The following LRRK2 variants were observed in gnomAD, a reference collection of about 807,000 sequenced individuals.
LRRK2 encodes the protein leucine-rich repeat serine/threonine-protein kinase 2.
Under a neutral mutation model 302.6 loss-of-function variants are expected in LRRK2, and 203 were observed. That is an observed-to-expected ratio of 0.67 (90% CI 0.60 to 0.75). The LOEUF is 0.75. Among genes scored for constraint, LRRK2 ranks in the 30% least tolerant of loss-of-function variants. LRRK2 has a pLI of 0.00. For missense variants in LRRK2, 2,830 were observed against 2,951.0 expected (o/e 0.96, Z 0.95); for synonymous variants, 1,066 against 1,031.9 (o/e 1.03, Z -0.63).
At chr12:40,286,001 C>A (rs995897497) in intron 19 of LRRK2, among the ~76,000 whole-genome samples, 1 of 151,912 alleles carries the variant, frequency 6.6e-6, no homozygotes, top group African/African-American at 2.4e-5. Flanking sequence ...TAGTCTTATG[C>A]CAAAAACCTG....
chr12:40,366,825 T>C (rs956822614), intron 49 of LRRK2, 181 bp from the exon 50 acceptor site: 2 of 532,968 alleles, frequency 3.8e-6, no homozygotes, highest in African/African-American at 3.9e-5. Context: ...TCACAGATTT[T>C]GTTATTTTTT....
rs113272586 is a variant in LRRK2 at position 40,298,778 on chromosome 12, A to AATATATATATATATATAT, written c.3347+289_3347+306dup. Reference sequence around the variant, plus strand: ...CAGAGGCGAGACTCTGTCTCAAAGAAATATATATATATATATATATAATAT... The same window carrying AATATATATATATATATAT: ...CAGAGGCGAGACTCTGTCTCAAAGAAATATATATATATATATATATATATATATATATATATATAATAT... On this transcript the variant is annotated intron_variant, in intron 24 of 50. Transcript: ENST00000298910. 5.1e-3 allele frequency among the ~76,000 whole-genome samples: 309 copies of AATATATATATATATATAT among 60,604 alleles called. 13 individuals carry two copies. The highest frequency in any genetic ancestry group is 0.011 in the East Asian group (27 of 2,526). 39.8% of individuals were successfully genotyped at this position (60,604 alleles called of 152,430 possible).
chr12:40,225,402 A>G, intron 1 of LRRK2, 120 bp downstream of exon 1: 1 of 1,320,276 alleles, frequency 7.6e-7, no homozygotes, highest in Non-Finnish European at 1.1e-6. Flanking sequence ...AAGGAGCCGC[A>G]AACTCCCATA....
At chr12:40,238,939 G>C (rs938357626) in intron 5 of LRRK2, among the ~76,000 whole-genome samples, 1 of 152,124 alleles carries the variant, frequency 6.6e-6, no homozygotes, top group Non-Finnish European at 1.5e-5. Context: ...GAAAATAGGT[G>C]AAGGGACAAT....
At chr12:40,334,398 A>G (rs550902756) in intron 39 of LRRK2, among the ~76,000 whole-genome samples, 1 of 152,330 alleles carries the variant, frequency 6.6e-6, no homozygotes, top group East Asian at 1.9e-4. Context: ...ACAAATTTGC[A>G]TATAACTTTT....
intron 38 of LRRK2, among the ~76,000 whole-genome samples, chr12:40,327,676 AAGAG>A (rs1314620897): frequency 6.6e-6 from 1 of 152,170 alleles, no homozygotes; most frequent in Non-Finnish European, 1.5e-5. Flanking sequence ...TTAATTTTGC[AAGAG>A]AGAGAGAATG....
At chr12:40,284,211 A>C in intron 19 of LRRK2, 78 bp downstream of exon 19, 1 of 1,320,538 alleles carries the variant, frequency 7.6e-7, no homozygotes, top group Non-Finnish European at 1.0e-6. Flanking sequence ...TTTAGTGGTT[A>C]TTCATGCCAG....
At chr12:40,258,272 C>T (rs939076322) in intron 12 of LRRK2, among the ~76,000 whole-genome samples, 23 of 152,252 alleles carry the variant, frequency 1.5e-4, no homozygotes, top group Admixed American at 9.2e-4. Flanking sequence ...TGAAATGTAG[C>T]GTAACTGCAG....
At chr12:40,231,279 G>A (rs74324737) in intron 2 of LRRK2, among the ~76,000 whole-genome samples, 14,351 of 151,614 alleles carry the variant, frequency 0.095, 753 homozygotes, top group South Asian at 0.14. Context: ...AGGGCCAGGT[G>A]CAGAGGCTCA....
intron 6 of LRRK2, 61 bp from the exon 7 acceptor site, chr12:40,243,485 TTGTA>T: frequency 6.4e-7 from 1 of 1,572,864 alleles, no homozygotes; most frequent in Non-Finnish European, 8.7e-7. Flanking sequence ...TAAGACGTCT[TTGTA>T]TGCATATTTG....
Position 40,252,994 on chromosome 12 carries a change from G to C in LRRK2, c.1266G>C (p.Leu422Phe). Reference protein sequence around the residue: ...KEVFQASANALSTLLEQNVNF... With the variant: ...KEVFQASANAFSTLLEQNVNF... ...TTTTCCAGGCATCTGCGAATGCATT[G>C]TCAACTCTCTTAGAACAAAATGGTA... The change falls in exon 11 of 51, where the codon TTG (leucine) becomes TTC (phenylalanine). Residue 422 changes from leucine (L) to phenylalanine (F), a missense_variant. By Grantham distance (22) the Leu-to-Phe change is conservative. This residue lies in a region of LRRK2 where 2,121 missense variants were observed against 2,148.0 expected (regional missense o/e 0.99). Coordinates refer to ENST00000298910, the MANE Select transcript of LRRK2 (RefSeq NM_198578.4). The C allele has an allele frequency of 1.2e-6, 2 of 1,612,108 alleles. No homozygotes were observed. The highest frequency in any genetic ancestry group is 4.5e-5 in the East Asian group (2 of 44,762).
intron 10 of LRRK2, 106 bp downstream of exon 10, chr12:40,251,650 T>C (rs932367002): frequency 3.9e-6 from 4 of 1,019,064 alleles, no homozygotes; most frequent in Non-Finnish European, 5.9e-6. Flanking sequence ...ATTTTTGATA[T>C]AGGCATTTAG....
intron 19 of LRRK2, 135 bp from the exon 20 acceptor site, chr12:40,287,216 G>T (rs1943961575): frequency 1.3e-6 from 1 of 759,618 alleles, no homozygotes; most frequent in Non-Finnish European, 2.2e-6. Context: ...AGGATCACTA[G>T]TGTAAGGTGA....
At chr12:40,254,486 ATC>A (rs1439962339) in intron 11 of LRRK2, among the ~76,000 whole-genome samples, 1 of 152,132 alleles carries the variant, frequency 6.6e-6, no homozygotes, top group Non-Finnish European at 1.5e-5. Flanking sequence ...CTGTTCTCGA[ATC>A]TCTCTTATTC....
At chr12:40,355,055 T>C (rs1168703927) in intron 45 of LRRK2, among the ~76,000 whole-genome samples, 3 of 152,208 alleles carry the variant, frequency 2.0e-5, no homozygotes, top group East Asian at 3.8e-4. Context: ...TTGGTGACTG[T>C]AATATTTGGG....
At chr12:40,225,491 A>T in intron 1 of LRRK2, 64 bp from the exon 2 acceptor site, 1 of 1,450,640 alleles carries the variant, frequency 6.9e-7, no homozygotes, top group Non-Finnish European at 9.7e-7. Context: ...GTTTCAGACT[A>T]AAAAGGAGAG....
intron 6 of LRRK2, among the ~76,000 whole-genome samples, chr12:40,242,404 C>T (rs1044191219): frequency 1.3e-5 from 2 of 151,828 alleles, no homozygotes; most frequent in African/African-American, 4.8e-5. Context: ...TAGGTTCACA[C>T]CTCACTTCCT....
rs1273713963 is a variant in LRRK2, at chr12:40,318,153, G to GA, written c.4828-1835_4828-1834insA. On this transcript the variant is annotated intron_variant, in intron 33 of 50. Coordinates refer to ENST00000298910, the MANE Select transcript of LRRK2 (RefSeq NM_198578.4). ...TTTTTTCTGTCCTCTTAAAGGCTAG[G>GA]CCAAGGACTGGCAAAAATATTAATT... Among the ~76,000 whole-genome samples, 3 of 152,088 alleles carry GA rather than the reference G, an allele frequency of 2.0e-5. No homozygotes were observed. The East Asian group carries it at 5.8e-4, about 29-fold the overall frequency.
chr12:40,335,850 C>G (rs1302430313), intron 40 of LRRK2, among the ~76,000 whole-genome samples: 1 of 152,158 alleles, frequency 6.6e-6, no homozygotes, highest in African/African-American at 2.4e-5. Context: ...CCCCAGTCAC[C>G]CTGTTACACC....
Sources: gnomAD v4.1 joint callset for allele counts (sites outside exome capture counted in the v4.1 genomes callset) on GRCh38, gnomAD v4.1.1 for gene constraint, gnomAD v4.1.1 regional missense constraint, MANE v1.5 for transcripts, NCBI Gene and HGNC (gene_info 2026-07-23, HGNC 2026-07-21) for gene names.